DLAT: variants seen among roughly 807,000 people sequenced by gnomAD.
DLAT encodes the protein dihydrolipoyllysine-residue acetyltransferase component of pyruvate dehydrogenase complex, mitochondrial.
Under a neutral mutation model 68.0 loss-of-function variants are expected in DLAT, and 43 were observed. The ratio of observed to expected loss-of-function variants is 0.63; its 90% confidence interval spans 0.50 to 0.81. The LOEUF (loss-of-function observed/expected upper bound fraction) is 0.81, where lower values mean the gene tolerates loss of function less well. Ranked by LOEUF, DLAT falls within the 40% of genes least tolerant of loss-of-function variation. DLAT has a pLI of 0.00. For missense variants in DLAT, 745 were observed against 815.4 expected, an observed-to-expected ratio of 0.91 and a Z score of 1.05; for synonymous variants, 265 against 288.6, an observed-to-expected ratio of 0.92 and a Z score of 0.83.
Position 112,025,440 on chromosome 11 carries a change from G to A in DLAT, c.-33G>A. The A allele has an allele frequency of 1.2e-6, 2 of 1,601,868 alleles. No homozygotes were observed. The highest frequency in any genetic ancestry group is 8.5e-7 in the Non-Finnish European group (1 of 1,176,596). The stretch of plus-strand genomic sequence containing the variant: ...TTGGAGAGGTCACTCCGGAGACGGC[G>A]TTGGTTTTGGGGTGTGGGGGGTTGG... On this transcript the variant is annotated 5_prime_UTR_variant, in exon 1 of 14. Coordinates refer to ENST00000280346, the MANE Select transcript of DLAT (RefSeq NM_001931.5).
chr11:112,058,632 G>T (rs1454675943), intron 11 of DLAT, among the ~76,000 whole-genome samples: 11 of 128,794 alleles, frequency 8.5e-5, no homozygotes, highest in Admixed American at 1.5e-4. Context: ...GGGTGGGGGG[G>T]GGGAATCACC....
chr11:112,026,888 C>T (rs1457593240), intron 2 of DLAT, among the ~76,000 whole-genome samples: 33 of 151,842 alleles, frequency 2.2e-4, no homozygotes, highest in African/African-American at 6.8e-4. Context: ...CCAGTAGGGG[C>T]GGCTGGGCAG....
At chr11:112,032,894 C>T (rs1296131264) in intron 4 of DLAT, among the ~76,000 whole-genome samples, 3 of 152,086 alleles carry the variant, frequency 2.0e-5, no homozygotes, top group African/African-American at 4.8e-5. Flanking sequence ...TGGTAAAACC[C>T]CATCTCTACA....
intron 10 of DLAT, among the ~76,000 whole-genome samples, chr11:112,049,424 T>C (rs1226254393): frequency 2.0e-5 from 3 of 152,168 alleles, no homozygotes; most frequent in African/African-American, 7.2e-5. Flanking sequence ...TTTTTTATAG[T>C]TTTTCAGAGT....
chr11:112,036,859 T>C, intron 5 of DLAT: 1 of 187,214 alleles, frequency 5.3e-6, no homozygotes, highest in Non-Finnish European at 1.1e-5. Flanking sequence ...GTGGTTCTTA[T>C]CTTTAGCAGC....
rs149553700 is a variant in DLAT at position 112,043,100 on chromosome 11, A to T, written c.1130-366A>T. 9.0e-3 allele frequency among the ~76,000 whole-genome samples: 1,370 copies of T among 152,358 alleles called. 11 individuals are homozygous for T. The highest frequency in any genetic ancestry group is 0.03 in the African/African-American group (1,256 of 41,586). ...GAGGCAGCTAGTTTCCCTTTTGGAGATATAAACTGTGCTCGGCATTATCCT... is the reference window on the plus strand; with the variant it reads ...GAGGCAGCTAGTTTCCCTTTTGGAGTTATAAACTGTGCTCGGCATTATCCT... On this transcript the variant is annotated intron_variant, in intron 7 of 13. Coordinates refer to ENST00000280346, the MANE Select transcript of DLAT (RefSeq NM_001931.5).
At chr11:112,034,631 A>T (rs1862595043) in intron 5 of DLAT, among the ~76,000 whole-genome samples, 1 of 150,916 alleles carries the variant, frequency 6.6e-6, no homozygotes, top group African/African-American at 2.4e-5. Flanking sequence ...TTTAGTAGAG[A>T]TGGGGTTTCA....
intron 4 of DLAT, among the ~76,000 whole-genome samples, chr11:112,031,284 A>C (rs1361093110): frequency 6.6e-6 from 1 of 152,234 alleles, no homozygotes; most frequent in Non-Finnish European, 1.5e-5. Flanking sequence ...ATGAAACCAA[A>C]TTCAGTGGAT....
At chr11:112,042,893 T>C (rs1049981787) in intron 7 of DLAT, among the ~76,000 whole-genome samples, 4 of 152,228 alleles carry the variant, frequency 2.6e-5, no homozygotes, top group African/African-American at 9.6e-5. Context: ...AAAGATAAGA[T>C]AATTGCAGTA....
Position 112,062,828 on chromosome 11 carries a change from T to C in DLAT, c.*293T>C. 1 of 370,986 alleles carries C rather than the reference T, an allele frequency of 2.7e-6. No individual in the cohort carries two copies. The allele number at this position is 370,986 out of a possible 1,614,324, so 23.0% of individuals were successfully genotyped here. On this transcript the variant is annotated 3_prime_UTR_variant, in exon 14 of 14. Coordinates refer to ENST00000280346, the MANE Select transcript of DLAT (RefSeq NM_001931.5). ...GGTGATAAGTACTTCCTCTAGGAAATGTACGATAGGTAGAATTGTGGTTCC... is the reference window on the plus strand; with the variant it reads ...GGTGATAAGTACTTCCTCTAGGAAACGTACGATAGGTAGAATTGTGGTTCC...
intron 10 of DLAT, among the ~76,000 whole-genome samples, chr11:112,050,590 G>T (rs1863562234): frequency 1.3e-5 from 2 of 151,938 alleles, no homozygotes; most frequent in Non-Finnish European, 2.9e-5. Flanking sequence ...TTTCTCCTTG[G>T]TTCAGTTTTG....
intron 2 of DLAT, among the ~76,000 whole-genome samples, chr11:112,028,016 A>C (rs1221652643): frequency 1.3e-5 from 2 of 152,168 alleles, no homozygotes; most frequent in African/African-American, 4.8e-5. Flanking sequence ...TTGACTGAAC[A>C]TTGACTTTCT....
intron 8 of DLAT, among the ~76,000 whole-genome samples, chr11:112,043,931 G>GT (rs1190051982): frequency 7.9e-5 from 12 of 152,064 alleles, no homozygotes; most frequent in Non-Finnish European, 1.6e-4. Flanking sequence ...GCAACCATCT[G>GT]TTTTTTTCTG....
chr11:112,059,108 C>T (rs1371496932), intron 11 of DLAT, among the ~76,000 whole-genome samples: 1 of 151,932 alleles, frequency 6.6e-6, no homozygotes, highest in African/African-American at 2.4e-5. Flanking sequence ...GGTACCACCA[C>T]CCATGTATCC....
In DLAT at chr11:112,037,369, A is replaced by G. The variant is rs1555180596; in HGVS notation, c.884A>G (p.Glu295Gly). 4 of 1,614,108 alleles carry G rather than the reference A, an allele frequency of 2.5e-6. No individual in the cohort carries two copies. In the African/African-American group the frequency reaches 4.0e-5, roughly 16 times the overall value. Reference sequence around the variant, plus strand: ...GGAACCCCACTCTGTATCATTGTAGAAAAAGAGGCAGATATATCAGCATTT... The same window carrying G: ...GGAACCCCACTCTGTATCATTGTAGGAAAAGAGGCAGATATATCAGCATTT... ...PLGTPLCIIV[E>G]KEADISAFAD... is the part of the protein sequence containing the mutation. Residue 295 changes from glutamate to glycine, a missense_variant, in exon 6 of 14, where the codon GAA becomes GGA. Transcript: ENST00000280346.
chr11:112,056,725 G>T (rs1487862529), intron 11 of DLAT, among the ~76,000 whole-genome samples: 1 of 152,140 alleles, frequency 6.6e-6, no homozygotes, highest in Non-Finnish European at 1.5e-5. Context: ...GTAAAATTAT[G>T]TTTAATTTTT....
intron 10 of DLAT, among the ~76,000 whole-genome samples, chr11:112,047,945 C>G (rs1267602826): frequency 6.6e-6 from 1 of 152,118 alleles, no homozygotes; most frequent in African/African-American, 2.4e-5. Context: ...CTTGGCTATA[C>G]GGGCCCTTTT....
intron 11 of DLAT, among the ~76,000 whole-genome samples, chr11:112,052,162 TTGTACTTTGC>T: frequency 6.6e-6 from 1 of 152,210 alleles, no homozygotes; most frequent in South Asian, 2.1e-4. Flanking sequence ...CTTTTTTCCT[TTGTACTTTGC>T]TGTCACACAG....
chr11:112,042,951 C>G (rs1410293270), intron 7 of DLAT, among the ~76,000 whole-genome samples: 1 of 152,194 alleles, frequency 6.6e-6, no homozygotes, highest in African/African-American at 2.4e-5. Flanking sequence ...CTTGATTTGT[C>G]AAAACAATTA....
Sources: allele counts gnomAD v4.1 joint callset (sites outside exome capture counted in the v4.1 genomes callset), GRCh38; gene constraint gnomAD v4.1.1; transcripts MANE v1.5; gene names NCBI Gene and HGNC (gene_info 2026-07-23, HGNC 2026-07-21).